Variants in MPDZ observed in about 807,000 individuals in gnomAD.
The protein encoded by MPDZ is multiple PDZ domain crumbs cell polarity complex component.
MPDZ carries 234 observed loss-of-function variants against 239.1 expected under a neutral mutation model. The observed-to-expected ratio is 0.98, with a 90% confidence interval of 0.88 to 1.09. The LOEUF (loss-of-function observed/expected upper bound fraction) is 1.09, where lower values mean the gene tolerates loss of function less well. MPDZ is among the 50% of genes least tolerant of loss of function. The pLI is 0.00. For missense variants in MPDZ, 3,175 were observed against 2,510.0 expected, an observed-to-expected ratio of 1.26 and a Z score of -5.66; for synonymous variants, 1,048 against 881.3, an observed-to-expected ratio of 1.19 and a Z score of -3.35.
intron 26 of MPDZ, 145 bp from the exon 27 acceptor site, chr9:13,143,709 A>C (rs539539121): frequency 1.5e-6 from 1 of 674,902 alleles, no homozygotes; most frequent in East Asian, 2.7e-5. Context: ...CAACATCTTA[A>C]AACAGTCTGG....
intron 7 of MPDZ, among the ~76,000 whole-genome samples, chr9:13,219,990 T>C (rs1411210773): frequency 6.6e-6 from 1 of 152,010 alleles, no homozygotes; most frequent in South Asian, 2.1e-4. Context: ...AAATCAATAG[T>C]CCATATGAAC....
At chr9:13,196,009 CTGTACATT>C in intron 13 of MPDZ, 104 bp downstream of exon 13, 1 of 683,462 alleles carries the variant, frequency 1.5e-6, no homozygotes, top group Non-Finnish European at 2.4e-6. Flanking sequence ...TAAAAAAGGC[CTGTACATT>C]TGATTCTTCT....
intron 1 of MPDZ, among the ~76,000 whole-genome samples, chr9:13,254,858 T>G (rs183998220): frequency 6.6e-6 from 1 of 152,302 alleles, no homozygotes; most frequent in Non-Finnish European, 1.5e-5. Context: ...GGGTCTTGCC[T>G]TTGTGTTGAT....
intron 3 of MPDZ, among the ~76,000 whole-genome samples, chr9:13,235,197 T>C (rs141758387): frequency 2.0e-5 from 3 of 152,136 alleles, no homozygotes; most frequent in Admixed American, 6.6e-5. Flanking sequence ...ATTAAAGAAA[T>C]TGAACTGCAT....
intron 1 of MPDZ, 146 bp from the exon 2 acceptor site, chr9:13,250,518 C>T (rs188742306): frequency 2.0e-6 from 1 of 495,694 alleles, no homozygotes; most frequent in Admixed American, 3.6e-5. Context: ...GCTTTACAGA[C>T]AATAAAGTAA....
At chr9:13,167,361 T>C (rs1951198999) in intron 22 of MPDZ, among the ~76,000 whole-genome samples, 2 of 152,070 alleles carry the variant, frequency 1.3e-5, no homozygotes, top group African/African-American at 2.4e-5. Context: ...TTAGTGAAGA[T>C]TTTGCCTAAA....
rs568184547 is a variant in MPDZ, at chr9:13,171,435, A to G, written c.3056-2871T>C. Among the ~76,000 whole-genome samples, 15 of 152,082 alleles carry G rather than the reference A, an allele frequency of 9.9e-5. No homozygotes were observed. In the South Asian group the frequency reaches 1.5e-3, roughly 15 times the overall value. On this transcript the variant is annotated intron_variant, in intron 21 of 46. Coordinates refer to ENST00000319217, the MANE Select transcript of MPDZ (RefSeq NM_001378778.1). ...ATAGACAGGCTTGAGTTCTGACTCT[A>G]CCCCTTTAAGGGTTGAGTAATTTCA... is the stretch of plus-strand genomic sequence containing the variant.
chr9:13,205,128 A>G (rs1470528105), intron 11 of MPDZ, 21 bp from the exon 12 acceptor site: 2 of 1,293,708 alleles, frequency 1.5e-6, no homozygotes, highest in African/African-American at 3.1e-5. Context: ...AAAATATTTT[A>G]GTAATTTTAT....
At chr9:13,161,766 T>G (rs1177684405) in intron 23 of MPDZ, among the ~76,000 whole-genome samples, 2 of 152,150 alleles carry the variant, frequency 1.3e-5, no homozygotes, top group African/African-American at 4.8e-5. Flanking sequence ...TTTCTCTCCC[T>G]GATCTTGACT....
intron 1 of MPDZ, among the ~76,000 whole-genome samples, chr9:13,257,977 T>C (rs1245434220): frequency 6.6e-6 from 1 of 152,208 alleles, no homozygotes; most frequent in Non-Finnish European, 1.5e-5. Flanking sequence ...CTTTCACGCT[T>C]CCTGTAAAAC....
At chr9:13,197,788 A>G (rs1010214359) in intron 12 of MPDZ, among the ~76,000 whole-genome samples, 1 of 151,600 alleles carries the variant, frequency 6.6e-6, no homozygotes, top group Admixed American at 6.6e-5. Context: ...TGGTCATTCT[A>G]CTCTCTATTT....
Position 13,188,913 on chromosome 9 carries a change from A to T in MPDZ, c.2235T>A (p.Leu745=). 6.2e-7 allele frequency: 1 copy of T among 1,613,576 alleles called. No homozygotes were observed. The change falls in exon 17 of 47, where the codon CTT becomes CTA. Residue 745 remains leucine, a synonymous_variant. Coordinates refer to ENST00000319217, the MANE Select transcript of MPDZ (RefSeq NM_001378778.1). The stretch of plus-strand genomic sequence containing the variant: ...CAAACATGAGTCGGTCACCAGGAAG[A>T]AGTCGTCCATCCTTTTCAGCAATGC... ...PGGIAEKDGR[L]LPGDRLMFVN...
intron 44 of MPDZ, among the ~76,000 whole-genome samples, chr9:13,110,275 T>G (rs577588621): frequency 6.6e-6 from 1 of 152,362 alleles, no homozygotes; most frequent in East Asian, 1.9e-4. Flanking sequence ...CTTCTAATTC[T>G]ATTCTACAAA....
intron 3 of MPDZ, among the ~76,000 whole-genome samples, chr9:13,228,080 A>G (rs1961192295): frequency 6.6e-6 from 1 of 152,110 alleles, no homozygotes; most frequent in African/African-American, 2.4e-5. Flanking sequence ...CTTGATTCTC[A>G]TCCTTGGTTT....
At chr9:13,134,475 G>A (rs1946454696) in intron 31 of MPDZ, 2 of 152,240 alleles carry the variant, frequency 1.3e-5, no homozygotes, top group African/African-American at 4.8e-5. Flanking sequence ...ATGAGACAAT[G>A]ATTTGTACAT....
Position 13,221,482 on chromosome 9 carries a change from C to T in MPDZ, c.766G>A (p.Glu256Lys). The change falls in exon 7 of 47, where the codon GAA becomes AAA. Residue 256 changes from glutamate (E) to lysine (K), a missense_variant. Glu to Lys is a moderately conservative substitution (Grantham distance 56). Transcript: ENST00000319217. ...HSNPVHWQHM[E>K]TIELVNDGSG... ...CCATCATTCACCAATTCAATCGTTTCCATGTGTTGCCAGTGAACCTACAAA... is the reference window on the plus strand; with the variant it reads ...CCATCATTCACCAATTCAATCGTTTTCATGTGTTGCCAGTGAACCTACAAA... 1 of 1,610,264 alleles carries T rather than the reference C, an allele frequency of 6.2e-7. No individual in the cohort carries two copies. The highest frequency in any genetic ancestry group is 8.5e-7 in the Non-Finnish European group (1 of 1,177,762).
At chr9:13,224,922 C>G (rs1239994968) in intron 3 of MPDZ, among the ~76,000 whole-genome samples, 1 of 152,116 alleles carries the variant, frequency 6.6e-6, no homozygotes, top group Non-Finnish European at 1.5e-5. Flanking sequence ...GAAGTAACCT[C>G]TAAACTCTCA....
chr9:13,203,513 C>A (rs191367579), intron 12 of MPDZ, among the ~76,000 whole-genome samples: 1 of 152,236 alleles, frequency 6.6e-6, no homozygotes, highest in East Asian at 1.9e-4. Flanking sequence ...ATCATAAAGT[C>A]TAAACCTCTG....
chr9:13,143,453 G>A lies in MPDZ; in HGVS notation c.3840+13C>T, dbSNP rs1487686439. On this transcript the variant is annotated intron_variant, in intron 27 of 46. Coordinates refer to ENST00000319217, the MANE Select transcript of MPDZ (RefSeq NM_001378778.1). ...AAAGGCAACCAACAGCAAGACAATGGGCATTATCCAACCTTGTCGGCGTTG... is the reference window on the plus strand; with the variant it reads ...AAAGGCAACCAACAGCAAGACAATGAGCATTATCCAACCTTGTCGGCGTTG... 2 of 1,592,348 alleles carry A rather than the reference G, an allele frequency of 1.3e-6. No homozygotes were observed. The highest frequency in any genetic ancestry group is 8.6e-7 in the Non-Finnish European group (1 of 1,160,754).
Sources: allele counts gnomAD v4.1 joint callset (sites outside exome capture counted in the v4.1 genomes callset), GRCh38; gene constraint gnomAD v4.1.1; transcripts MANE v1.5; gene names NCBI Gene and HGNC (gene_info 2026-07-23, HGNC 2026-07-21).